MAP3K7: variants seen among roughly 807,000 people sequenced by gnomAD.
MAP3K7 encodes the protein mitogen-activated protein kinase kinase kinase 7.
In MAP3K7, 21 loss-of-function variants were observed where a neutral mutation model predicts 84.8. The ratio of observed to expected loss-of-function variants is 0.25; its 90% confidence interval spans 0.18 to 0.36. MAP3K7 has a LOEUF of 0.36. MAP3K7 is among the 10% of genes least tolerant of loss of function. The pLI is 1.00. For synonymous variants in MAP3K7, 241 were observed against 247.7 expected (o/e 0.97, Z 0.25); for missense variants, 503 against 747.7 (o/e 0.67, Z 3.82).
intron 1 of MAP3K7, among the ~76,000 whole-genome samples, chr6:90,585,566 A>C (rs1238518421): frequency 6.7e-6 from 1 of 150,358 alleles, no homozygotes; most frequent in African/African-American, 2.5e-5. Flanking sequence ...TTTTCAACCA[A>C]AGTTTTTAAC....
chr6:90,586,510 C>A (rs1777460243), intron 1 of MAP3K7, among the ~76,000 whole-genome samples: 1 of 152,212 alleles, frequency 6.6e-6, no homozygotes, highest in Admixed American at 6.5e-5. Context: ...AGTTCATTCT[C>A]CTGTTTATCA....
chr6:90,523,951 C>A (rs570398990), intron 13 of MAP3K7, among the ~76,000 whole-genome samples, 168 bp from the exon 14 acceptor site: 1 of 152,142 alleles, frequency 6.6e-6, no homozygotes, highest in Non-Finnish European at 1.5e-5. Context: ...TATTCACTCA[C>A]GCATGATACC....
At chr6:90,521,669 A>C (rs574570563) in intron 14 of MAP3K7, among the ~76,000 whole-genome samples, 2 of 152,208 alleles carry the variant, frequency 1.3e-5, no homozygotes, top group African/African-American at 4.8e-5. Flanking sequence ...CTTTATATTA[A>C]TACATGTTTG....
chr6:90,576,732 T>C (rs549121477), intron 1 of MAP3K7, among the ~76,000 whole-genome samples: 1 of 152,302 alleles, frequency 6.6e-6, no homozygotes, highest in African/African-American at 2.4e-5. Flanking sequence ...GCACTCTGCC[T>C]CACTCCAATT....
At chr6:90,550,685 T>G (rs1353444321) in intron 8 of MAP3K7, 136 bp from the exon 9 acceptor site, 1 of 550,766 alleles carries the variant, frequency 1.8e-6, no homozygotes, top group African/African-American at 1.9e-5. Context: ...ATTACAATAA[T>G]GTACTCTTGG....
At position 90,515,261 on chromosome 6, in the gene MAP3K7, T is replaced by C. The variant is rs1238815623; in HGVS notation, c.*1240A>G. 1.3e-5 allele frequency: 2 copies of C among 152,016 alleles called. No homozygotes were observed. The highest frequency in any genetic ancestry group is 2.1e-4 in the South Asian group (1 of 4,836). 9.4% of individuals were successfully genotyped at this position (152,016 alleles called of 1,614,324 possible). Reference sequence around the variant, plus strand: ...TGTACTGGTATCAAAATGTGACTTATTTTAACACCAACTGAAAAAATATAG... The same window carrying C: ...TGTACTGGTATCAAAATGTGACTTACTTTAACACCAACTGAAAAAATATAG... On this transcript the variant is annotated 3_prime_UTR_variant, in exon 17 of 17. Transcript: ENST00000369329.
intron 13 of MAP3K7, among the ~76,000 whole-genome samples, chr6:90,529,494 AAGT>A (rs1775430407): frequency 6.6e-6 from 1 of 152,162 alleles, no homozygotes; most frequent in Non-Finnish European, 1.5e-5. Flanking sequence ...GAATGAGAAA[AAGT>A]AGTAGCAGTA....
chr6:90,546,959 A>C (rs73756039), intron 11 of MAP3K7, among the ~76,000 whole-genome samples: 2,557 of 141,696 alleles, frequency 0.018, 84 homozygotes, highest in African/African-American at 0.065. Flanking sequence ...GCAGAATTTC[A>C]ATTTCTCACT....
chr6:90,534,676 G>A (rs1380494530), intron 13 of MAP3K7, among the ~76,000 whole-genome samples: 1 of 152,174 alleles, frequency 6.6e-6, no homozygotes. Context: ...GAAGAAATAA[G>A]TAAGACTTGG....
intron 12 of MAP3K7, among the ~76,000 whole-genome samples, chr6:90,543,130 C>T (rs1362585648): frequency 6.6e-6 from 1 of 152,006 alleles, no homozygotes; most frequent in East Asian, 1.9e-4. Flanking sequence ...TAAAGTACGT[C>T]CCTTATACAC....
chr6:90,567,629 G>A (rs2127982902), intron 3 of MAP3K7, among the ~76,000 whole-genome samples: 2 of 152,326 alleles, frequency 1.3e-5, no homozygotes, highest in East Asian at 3.9e-4. Flanking sequence ...CTGTAAACTA[G>A]TTCAGCCATT....
intron 7 of MAP3K7, 101 bp downstream of exon 7, chr6:90,553,357 A>T: frequency 1.7e-6 from 2 of 1,148,142 alleles, no homozygotes; most frequent in Non-Finnish European, 2.5e-6. Context: ...TGTACATTTT[A>T]ATGTTAGAGA....
At chr6:90,573,026 T>C (rs1233812515) in intron 1 of MAP3K7, among the ~76,000 whole-genome samples, 1 of 152,188 alleles carries the variant, frequency 6.6e-6, no homozygotes, top group Non-Finnish European at 1.5e-5. Context: ...GTACTTTCTA[T>C]GCAGCAGGCA....
intron 1 of MAP3K7, among the ~76,000 whole-genome samples, chr6:90,579,934 T>C (rs964322635): frequency 1.3e-5 from 2 of 152,204 alleles, no homozygotes; most frequent in African/African-American, 4.8e-5. Flanking sequence ...TTCATTACTG[T>C]CTGCACTCCA....
intron 1 of MAP3K7, among the ~76,000 whole-genome samples, chr6:90,578,345 T>C (rs1191473192): frequency 2.6e-5 from 4 of 152,176 alleles, no homozygotes; most frequent in Non-Finnish European, 4.4e-5. Flanking sequence ...CGATCTCAGC[T>C]CACTGCAGCC....
At chr6:90,536,183 T>C (rs1441457677) in intron 13 of MAP3K7, among the ~76,000 whole-genome samples, 154 bp downstream of exon 13, 1 of 152,094 alleles carries the variant, frequency 6.6e-6, no homozygotes, top group African/African-American at 2.4e-5. Flanking sequence ...ACCTATGTTT[T>C]TTTCCCCCCT....
At chr6:90,577,188 GATGCTCTGC>G (rs1417828174) in intron 1 of MAP3K7, among the ~76,000 whole-genome samples, 1 of 152,220 alleles carries the variant, frequency 6.6e-6, no homozygotes, top group Non-Finnish European at 1.5e-5. Flanking sequence ...AGGGTTTGCT[GATGCTCTGC>G]ATCCAGGCAG....
chr6:90,551,899 G>A, intron 8 of MAP3K7, 150 bp downstream of exon 8: 1 of 787,132 alleles, frequency 1.3e-6, no homozygotes. Context: ...TTCCTCTTCT[G>A]ACTATGAGTA....
At chr6:90,537,546 C>CTCAA (rs1444710799) in intron 12 of MAP3K7, among the ~76,000 whole-genome samples, 2 of 151,972 alleles carry the variant, frequency 1.3e-5, no homozygotes. Flanking sequence ...AATATAAAAA[C>CTCAA]TCAAATTTGT....
Sources: gnomAD v4.1 joint callset for allele counts (sites outside exome capture counted in the v4.1 genomes callset) on GRCh38, gnomAD v4.1.1 for gene constraint, MANE v1.5 for transcripts, NCBI Gene and HGNC (gene_info 2026-07-23, HGNC 2026-07-21) for gene names.